Variants in IFT52 observed in about 807,000 individuals in gnomAD.
IFT52 encodes the protein intraflagellar transport 52.
IFT52 carries 44 observed loss-of-function variants against 54.4 expected under a neutral mutation model. The ratio of observed to expected loss-of-function variants is 0.81; its 90% CI spans 0.63 to 1.04. IFT52 has a LOEUF of 1.04. Ranked by LOEUF, IFT52 falls within the 50% of genes least tolerant of loss-of-function variation. IFT52 has a pLI of 0.00. For synonymous variants in IFT52, 181 were observed against 185.3 expected (o/e 0.98, Z 0.19); for missense variants, 452 against 523.6 (o/e 0.86, Z 1.33).
intron 10 of IFT52, among the ~76,000 whole-genome samples, chr20:43,624,482 ACT>A (rs1035916902): frequency 6.6e-6 from 1 of 152,144 alleles, no homozygotes; most frequent in Non-Finnish European, 1.5e-5. Flanking sequence ...TGTTCTGGGC[ACT>A]CTCAGTCTAG....
At chr20:43,596,357 A>G in intron 2 of IFT52, 78 bp from the exon 3 acceptor site, 1 of 906,390 alleles carries the variant, frequency 1.1e-6, no homozygotes, top group Non-Finnish European at 1.7e-6. Context: ...CTGCTTCCAA[A>G]TAGTTAAGAG....
At position 43,594,141 on chromosome 20, in the gene IFT52, C is replaced by T. The variant is rs185550327; in HGVS notation, c.-6-552C>T. Among the ~76,000 whole-genome samples, 530 of 152,060 alleles carry T rather than the reference C, an allele frequency of 3.5e-3. 1 individual carries two copies. Among genetic ancestry groups the T allele is most frequent in the African/African-American group, 0.012 (512 of 41,482 alleles). On this transcript the variant is annotated intron_variant, in intron 1 of 13. Transcript: ENST00000373030. Reference sequence around the variant, plus strand: ...TGACCAACATGGTGAAACCCCGTCTCTACTGAAAATACAAAAATTAGCTGG... The same window carrying T: ...TGACCAACATGGTGAAACCCCGTCTTTACTGAAAATACAAAAATTAGCTGG...
intron 3 of IFT52, among the ~76,000 whole-genome samples, chr20:43,598,673 G>A (rs1010069668): frequency 1.3e-5 from 2 of 152,080 alleles, no homozygotes; most frequent in Non-Finnish European, 2.9e-5. Context: ...CCAGCCTGGC[G>A]ACAGAGACCC....
rs3092766 is a variant in IFT52 at position 43,646,209 on chromosome 20, C to CA, written c.1267-711dup. Among the ~76,000 whole-genome samples, 627 of 136,366 alleles carry CA rather than the reference C, an allele frequency of 4.6e-3. 13 individuals are homozygous for CA. In the South Asian group the frequency reaches 0.056, roughly 12 times the overall value. 89.5% of individuals were successfully genotyped at this position (136,366 alleles called of 152,430 possible). ...CTGGGTGACAGAGCGAGACTCGTCT[C>CA]AAAAAAAAAAAAAAAATTCTATAGT... On this transcript the variant is annotated intron_variant, in intron 13 of 13. Transcript: ENST00000373030.
At chr20:43,627,178 AAAAG>A (rs1277607633) in intron 10 of IFT52, among the ~76,000 whole-genome samples, 51 of 152,132 alleles carry the variant, frequency 3.4e-4, no homozygotes, top group African/African-American at 7.5e-4. Flanking sequence ...GAAAAAAAAA[AAAAG>A]AAAGGAAGAA....
intron 6 of IFT52, 95 bp from the exon 7 acceptor site, chr20:43,613,755 A>G: frequency 7.8e-7 from 1 of 1,278,102 alleles, no homozygotes. Flanking sequence ...AGACTGTTTC[A>G]AAAAAGAGTG....
intron 7 of IFT52, 43 bp downstream of exon 7, chr20:43,614,019 G>T: frequency 6.5e-7 from 1 of 1,531,312 alleles, no homozygotes. Context: ...TATTTTTATT[G>T]TTGAAATAAT....
At chr20:43,605,224 C>G (rs1390157366) in intron 6 of IFT52, 151 bp downstream of exon 6, 3 of 1,434,362 alleles carry the variant, frequency 2.1e-6, no homozygotes, top group Non-Finnish European at 2.7e-6. Context: ...ACTGTAAGTC[C>G]ATGCTCCTCC....
At chr20:43,619,853 G>A (rs1477105996) in intron 8 of IFT52, among the ~76,000 whole-genome samples, 2 of 149,862 alleles carry the variant, frequency 1.3e-5, no homozygotes, top group African/African-American at 4.9e-5. Flanking sequence ...TATTTCTGTG[G>A]AATTTACATG....
In IFT52 at chr20:43,605,069, G is replaced by A. The variant is rs1386079673; in HGVS notation, c.481G>A (p.Ala161Thr). Residue 161 changes from alanine (A) to threonine (T), a missense_variant, in exon 6 of 14, where the codon GCC becomes ACC. Physicochemically the swap from Ala to Thr is moderately conservative, Grantham distance 58. Transcript: ENST00000373030. ...IIDEESSGNN[A>T]QALTFVYPFG... ...TGATGAGGAAAGCAGTGGAAACAAT[G>A]CCCAGTGAGTGTGTTTTCTGATGCC... is the stretch of plus-strand genomic sequence containing the variant. The A allele has an allele frequency of 6.2e-7, 1 of 1,613,386 alleles. No homozygotes were observed. The highest frequency in any genetic ancestry group is 1.7e-5 in the Admixed American group (1 of 59,848).
intron 7 of IFT52, among the ~76,000 whole-genome samples, chr20:43,614,477 C>G (rs561306519): frequency 6.6e-6 from 1 of 151,930 alleles, no homozygotes; most frequent in African/African-American, 2.4e-5. Flanking sequence ...CATCCTGCCT[C>G]GTGGTCCACC....
At chr20:43,611,424 CTTATCAAAATGTCAGTCTTT>C (rs1983437686) in intron 6 of IFT52, among the ~76,000 whole-genome samples, 3 of 124,858 alleles carry the variant, frequency 2.4e-5, no homozygotes, top group Admixed American at 1.6e-4. Context: ...TATACTTAGT[CTTATCAAAATGTCAGTCTTT>C]TTTTTTTTTT....
Position 43,594,720 on chromosome 20 carries a change from A to G in IFT52, c.22A>G (p.Thr8Ala). 1.2e-6 allele frequency: 2 copies of G among 1,607,632 alleles called. No homozygotes were observed. The highest frequency in any genetic ancestry group is 1.7e-6 in the Non-Finnish European group (2 of 1,174,086). Residue 8 changes from threonine (T) to alanine (A), a missense_variant, in exon 2 of 14, where the codon ACC becomes GCC. Transcript: ENST00000373030. MEKELRS[T>A]ILFNAYKKEI... The stretch of plus-strand genomic sequence containing the variant: ...AACCATGGAGAAAGAGCTGCGGAGC[A>G]CCATTCTTTTCAATGCCTACAAAAA...
intron 6 of IFT52, among the ~76,000 whole-genome samples, chr20:43,610,323 A>G (rs1983335272): frequency 6.7e-6 from 1 of 150,352 alleles, no homozygotes; most frequent in East Asian, 2.0e-4. Context: ...AAAAAAAATA[A>G]GTGAATATTT....
chr20:43,639,605 AG>A (rs919121964), intron 12 of IFT52, among the ~76,000 whole-genome samples: 5 of 152,164 alleles, frequency 3.3e-5, no homozygotes, highest in Non-Finnish European at 7.4e-5. Flanking sequence ...AGGAGTTGGA[AG>A]TTGCGGTGAG....
chr20:43,611,144 G>T (rs1983413782), intron 6 of IFT52, among the ~76,000 whole-genome samples: 3 of 152,140 alleles, frequency 2.0e-5, no homozygotes, highest in Non-Finnish European at 4.4e-5. Flanking sequence ...GACTAGTCCT[G>T]CTTCTTGCTT....
intron 3 of IFT52, among the ~76,000 whole-genome samples, chr20:43,598,726 A>G (rs1309678034): frequency 6.6e-6 from 1 of 152,156 alleles, no homozygotes; most frequent in Non-Finnish European, 1.5e-5. Context: ...CTGCTGAACT[A>G]TATACTTCAG....
chr20:43,600,390 C>T (rs1275718636), intron 3 of IFT52, among the ~76,000 whole-genome samples: 1 of 151,574 alleles, frequency 6.6e-6, no homozygotes, highest in African/African-American at 2.4e-5. Flanking sequence ...CTGCAAGCTC[C>T]GCCTCCCGGG....
chr20:43,628,853 T>TG (rs1187005327), intron 10 of IFT52, among the ~76,000 whole-genome samples: 1 of 60,056 alleles, frequency 1.7e-5, no homozygotes, highest in African/African-American at 4.8e-5. Context: ...AGACTCCATC[T>TG]CAAAAAAAAA....
Sources: gnomAD v4.1 joint callset for allele counts (sites outside exome capture counted in the v4.1 genomes callset) on GRCh38, gnomAD v4.1.1 for gene constraint, MANE v1.5 for transcripts, NCBI Gene and HGNC (gene_info 2026-07-23, HGNC 2026-07-21) for gene names.